Variants in ELFN2 observed in about 807,000 individuals in gnomAD.
ELFN2 encodes the protein extracellular leucine rich repeat and fibronectin type III domain containing 2.
In ELFN2, 17 loss-of-function variants were observed where a neutral mutation model predicts 45.5. That is an observed-to-expected ratio of 0.37 (90% confidence interval 0.26 to 0.56). ELFN2 has a LOEUF of 0.56. Ranked by LOEUF, ELFN2 falls within the 20% of genes least tolerant of loss-of-function variation. The pLI, the probability that ELFN2 is intolerant of heterozygous loss-of-function variation, is 0.77. For missense variants in ELFN2, 922 were observed against 1,183.2 expected, an observed-to-expected ratio of 0.78 and a Z score of 3.24; for synonymous variants, 550 against 551.5, an observed-to-expected ratio of 1.00 and a Z score of 0.04.
intron 2 of ELFN2, among the ~76,000 whole-genome samples, chr22:37,416,535 G>A (rs1393853063): frequency 6.6e-6 from 1 of 152,208 alleles, no homozygotes; most frequent in Non-Finnish European, 1.5e-5. Flanking sequence ...AGGCCCTGGG[G>A]AGCGAGAGGG....
At chr22:37,424,681 G>A (rs925988385) in intron 1 of ELFN2, among the ~76,000 whole-genome samples, 3 of 71,080 alleles carry the variant, frequency 4.2e-5, no homozygotes, top group South Asian at 4.1e-4. Context: ...TGAGGGCGGC[G>A]GGGGGGGGGA....
chr22:37,397,297 G>T (rs1447419682), intron 2 of ELFN2, among the ~76,000 whole-genome samples: 3 of 152,212 alleles, frequency 2.0e-5, no homozygotes, highest in Non-Finnish European at 4.4e-5. Flanking sequence ...CATGGAGAAG[G>T]CACCCAGGGA....
chr22:37,421,294 C>T (rs983730403), intron 1 of ELFN2, among the ~76,000 whole-genome samples: 6 of 152,214 alleles, frequency 3.9e-5, no homozygotes, highest in African/African-American at 1.4e-4. Context: ...TTTCACAATC[C>T]TCCAGCCAAA....
At chr22:37,360,141 T>C (rs1286291593) in intron 1 of ELFN2, among the ~76,000 whole-genome samples, 1 of 152,160 alleles carries the variant, frequency 6.6e-6, no homozygotes, top group Non-Finnish European at 1.5e-5. Flanking sequence ...CAATCTGGTC[T>C]AGAGTTGAGT....
At chr22:37,411,515 G>T (rs1932649055) in intron 2 of ELFN2, among the ~76,000 whole-genome samples, 1 of 152,172 alleles carries the variant, frequency 6.6e-6, no homozygotes, top group East Asian at 1.9e-4. Flanking sequence ...TGTCCTCTGG[G>T]ACAGGGGCTG....
At chr22:37,414,951 C>G (rs951346508) in intron 2 of ELFN2, among the ~76,000 whole-genome samples, 8 of 152,354 alleles carry the variant, frequency 5.3e-5, no homozygotes, top group African/African-American at 1.9e-4. Flanking sequence ...AGTGCCAAGC[C>G]CTGTGCCTTA....
rs1931415274 is a variant in ELFN2 at position 37,372,916 on chromosome 22, T to C, written c.*156A>G. The C allele has an allele frequency of 4.1e-6, 3 of 726,524 alleles. No homozygotes were observed. Among genetic ancestry groups the C allele is most frequent in the Non-Finnish European group, 6.6e-6 (3 of 455,814 alleles). The allele number at this position is 726,524 out of a possible 1,614,324, so 45.0% of individuals were successfully genotyped here. A position where few individuals can be genotyped will look rare whatever the true frequency, so the allele number is the denominator to read the frequency against. On this transcript the variant is annotated 3_prime_UTR_variant, in exon 3 of 3. Coordinates refer to ENST00000402918, the MANE Select transcript of ELFN2 (RefSeq NM_052906.5). The surrounding 1 kb of genome is among the most constrained non-coding windows in gnomAD (Gnocchi z 4.4). ...TGGTTTGTTCACAGTCGGGTGGTGG[T>C]CAGGTGTGTGTGTGCGTGCGTGCGT... is the stretch of plus-strand genomic sequence containing the variant.
At chr22:37,362,446 C>G (rs747270804) in intron 1 of ELFN2, among the ~76,000 whole-genome samples, 14 of 152,196 alleles carry the variant, frequency 9.2e-5, no homozygotes, top group Non-Finnish European at 1.5e-4. Flanking sequence ...GACATCTCAG[C>G]AGGAACCAGA....
intron 2 of ELFN2, among the ~76,000 whole-genome samples, chr22:37,380,741 C>T (rs1012259432): frequency 6.6e-6 from 1 of 152,144 alleles, no homozygotes; most frequent in African/African-American, 2.4e-5. Context: ...AGGTAGGCAG[C>T]TGCCTCACCC....
downstream of ELFN2, among the ~76,000 whole-genome samples, chr22:37,365,095 T>C (rs2145624921): frequency 6.6e-6 from 1 of 152,122 alleles, no homozygotes; most frequent in Middle Eastern, 3.4e-3. Context: ...GACCCACCAA[T>C]GACAGGAGCA....
intron 2 of ELFN2, among the ~76,000 whole-genome samples, chr22:37,399,852 C>T (rs1932319765): frequency 1.3e-5 from 2 of 152,228 alleles, no homozygotes; most frequent in Admixed American, 6.5e-5. Context: ...CCGCCATGGC[C>T]GCCTTGCTCC....
chr22:37,351,437 C>G lies in ELFN2; in HGVS notation n.149-8734G>C, dbSNP rs555039632. ...CTGCCCTTCTCCACCTCCCTCACCT[C>G]TCCTCGAGTGACAGGTGCTGGGTGC... On this transcript the variant is annotated intron_variant and non_coding_transcript_variant, in intron 1 of 2. Coordinates refer to ENST00000452946, the Ensembl canonical transcript of ELFN2. Among the ~76,000 whole-genome samples the G allele has an allele frequency of 2.9e-4, 44 of 150,414 alleles. 2 individuals are homozygous for G. Among genetic ancestry groups the G allele is most frequent in the African/African-American group, 1.0e-3 (42 of 41,408 alleles).
At chr22:37,400,163 A>T (rs145552533) in intron 2 of ELFN2, among the ~76,000 whole-genome samples, 3 of 152,230 alleles carry the variant, frequency 2.0e-5, no homozygotes, top group Non-Finnish European at 4.4e-5. Flanking sequence ...TTATCCTCCC[A>T]GGTCAGGGGC....
chr22:37,412,244 C>G (rs550150137), intron 2 of ELFN2, among the ~76,000 whole-genome samples: 46 of 146,534 alleles, frequency 3.1e-4, no homozygotes, highest in African/African-American at 1.0e-3. Flanking sequence ...TCAGCTTTCT[C>G]TCCAGCCTGG....
intron 2 of ELFN2, among the ~76,000 whole-genome samples, chr22:37,413,052 G>A (rs537784631): frequency 1.3e-5 from 2 of 152,340 alleles, no homozygotes; most frequent in South Asian, 2.1e-4. Context: ...GTTTGCAACC[G>A]GGTGTGACAC....
chr22:37,390,323 C>T (rs565203865), intron 2 of ELFN2, among the ~76,000 whole-genome samples: 1 of 152,352 alleles, frequency 6.6e-6, no homozygotes, highest in East Asian at 1.9e-4. Flanking sequence ...GCCTGGCTTG[C>T]CCAAGGCCAC....
At chr22:37,421,988 C>A (rs1932812414) in intron 1 of ELFN2, among the ~76,000 whole-genome samples, 1 of 152,230 alleles carries the variant, frequency 6.6e-6, no homozygotes, top group South Asian at 2.1e-4. Flanking sequence ...AGGCCTGAGT[C>A]TTGGGACTAG....
intron 1 of ELFN2, among the ~76,000 whole-genome samples, chr22:37,356,959 A>C (rs144924468): frequency 6.6e-6 from 1 of 152,238 alleles, no homozygotes; most frequent in Admixed American, 6.5e-5. Flanking sequence ...AGGCAGAGGA[A>C]CAAATAACAG....
chr22:37,373,410 G>T lies in ELFN2; in HGVS notation c.2125C>A (p.Arg709=), dbSNP rs781107766. 3 of 1,587,776 alleles carry T rather than the reference G, an allele frequency of 1.9e-6. No individual in the cohort carries two copies. Among genetic ancestry groups the T allele is most frequent in the South Asian group, 2.3e-5 (2 of 88,396 alleles). ...VKPAYHCSEH[R]HSFPALYYEE... is the part of the protein sequence containing the mutation. ...TAGTACAGGGCGGGAAAGCTGTGCC[G>T]GTGCTCGCTGCAGTGGTAGGCCGGC... Residue 709 remains arginine, a synonymous_variant, in exon 3 of 3, where the codon CGG becomes AGG. Transcript: ENST00000402918.
Sources: allele counts gnomAD v4.1 joint callset (sites outside exome capture counted in the v4.1 genomes callset), GRCh38; gene constraint gnomAD v4.1.1; non-coding constraint Gnocchi (gnomAD v3.1); transcripts MANE v1.5; gene names NCBI Gene and HGNC (gene_info 2026-07-23, HGNC 2026-07-21).